Variants in PXDNL observed in about 807,000 individuals in gnomAD.
The protein encoded by PXDNL is probable oxidoreductase PXDNL.
Under a neutral mutation model 150.8 loss-of-function variants are expected in PXDNL, and 145 were observed. The observed-to-expected ratio is 0.96, with a 90% CI of 0.84 to 1.10. PXDNL has a LOEUF of 1.10. PXDNL is among the 50% of genes least tolerant of loss of function. The pLI is 0.00. For synonymous variants in PXDNL, 757 were observed against 725.7 expected (o/e 1.04, Z -0.69); for missense variants, 2,087 against 1,873.9 (o/e 1.11, Z -2.10).
At chr8:51,786,966 G>C (rs777947258) in intron 1 of PXDNL, among the ~76,000 whole-genome samples, 1 of 152,116 alleles carries the variant, frequency 6.6e-6, no homozygotes, top group Non-Finnish European at 1.5e-5. Flanking sequence ...TAAGATCCTA[G>C]AGCCTTTAAG....
At position 51,654,671 on chromosome 8, in the gene PXDNL, T is replaced by C. The variant is rs961456103; in HGVS notation, c.236+18A>G. The C allele has an allele frequency of 6.3e-7, 1 of 1,595,710 alleles. No individual in the cohort carries two copies. Among genetic ancestry groups the C allele is most frequent in the African/African-American group, 1.3e-5 (1 of 74,680 alleles). On this transcript the variant is annotated intron_variant, in intron 2 of 22. Coordinates refer to ENST00000356297, the MANE Select transcript of PXDNL (RefSeq NM_144651.5). The stretch of plus-strand genomic sequence containing the variant: ...CATATAATTTTAGGAACCTTACAGA[T>C]AAGCAATAAGTACTCACAGTGTGTT...
intron 12 of PXDNL, among the ~76,000 whole-genome samples, chr8:51,444,601 T>C (rs922150582): frequency 1.3e-5 from 2 of 152,222 alleles, no homozygotes; most frequent in Non-Finnish European, 2.9e-5. Context: ...ATGAAATTCA[T>C]GTGCAATATG....
chr8:51,573,509 G>C (rs1812988396), intron 3 of PXDNL, among the ~76,000 whole-genome samples: 1 of 151,942 alleles, frequency 6.6e-6, no homozygotes, highest in African/African-American at 2.4e-5. Context: ...TTCATATGGG[G>C]AGCAATAATA....
rs1815135563 is a variant in PXDNL at position 51,655,691 on chromosome 8, A to G, written c.165-931T>C. 2.0e-5 allele frequency among the ~76,000 whole-genome samples: 3 copies of G among 152,260 alleles called. No individual in the cohort carries two copies. The South Asian group carries it at 6.2e-4, about 32-fold the overall frequency. ...ATACTGTTTCTTCCATGGGGAACAT[A>G]TGACCCAAGCCAGGCCAGCTGGAGT... On this transcript the variant is annotated intron_variant, in intron 1 of 22. Transcript: ENST00000356297.
At chr8:51,392,805 C>G (rs949158660) in intron 17 of PXDNL, among the ~76,000 whole-genome samples, 16 of 152,178 alleles carry the variant, frequency 1.1e-4, no homozygotes, top group Admixed American at 8.5e-4. Flanking sequence ...AGAGGGCATA[C>G]CTGTCTTGAA....
chr8:51,474,215 C>G (rs1810421000), intron 7 of PXDNL, among the ~76,000 whole-genome samples: 1 of 152,040 alleles, frequency 6.6e-6, no homozygotes, highest in African/African-American at 2.4e-5. Context: ...GTGAGTGAAT[C>G]TCCAAGACAC....
intron 4 of PXDNL, among the ~76,000 whole-genome samples, chr8:51,544,123 C>G (rs116662118): frequency 6.6e-6 from 1 of 152,120 alleles, no homozygotes; most frequent in African/African-American, 2.4e-5. Context: ...GAAAATAATA[C>G]CTAATCAAAA....
chr8:51,788,786 A>C (rs2037483139), intron 1 of PXDNL, among the ~76,000 whole-genome samples: 1 of 152,136 alleles, frequency 6.6e-6, no homozygotes, highest in Non-Finnish European at 1.5e-5. Flanking sequence ...TTCTGGAAAA[A>C]ACAACCTCAT....
rs1475100274 is a variant in PXDNL at position 51,393,532 on chromosome 8, G to C, written c.3557+14535C>G. On this transcript the variant is annotated intron_variant, in intron 17 of 22. Transcript: ENST00000356297. ...TCTATGCTAAAGCTGAAGCAAAACA[G>C]AAAATAAAAACAAACATTGGCAGTT... Among the ~76,000 whole-genome samples, 4 of 152,244 alleles carry C rather than the reference G, an allele frequency of 2.6e-5. No homozygotes were observed. The South Asian group carries it at 8.3e-4, about 31-fold the overall frequency.
At chr8:51,634,937 ACTT>A (rs1814575699) in intron 2 of PXDNL, among the ~76,000 whole-genome samples, 2 of 152,126 alleles carry the variant, frequency 1.3e-5, no homozygotes, top group South Asian at 4.2e-4. Flanking sequence ...AGATAATTTG[ACTT>A]CTTCTTTTCC....
At chr8:51,382,669 C>G (rs1279214294) in intron 17 of PXDNL, among the ~76,000 whole-genome samples, 1 of 152,004 alleles carries the variant, frequency 6.6e-6, no homozygotes, top group Non-Finnish European at 1.5e-5. Context: ...ACTTATCATA[C>G]ACCCCTGCAT....
chr8:51,687,111 A>G (rs1470942351), intron 1 of PXDNL, among the ~76,000 whole-genome samples: 1 of 152,192 alleles, frequency 6.6e-6, no homozygotes, highest in Non-Finnish European at 1.5e-5. Flanking sequence ...AAAAGTTTAA[A>G]TAATAATATT....
chr8:51,532,122 A>G (rs1487557280), intron 4 of PXDNL, among the ~76,000 whole-genome samples: 2 of 152,256 alleles, frequency 1.3e-5, no homozygotes, highest in African/African-American at 4.8e-5. Flanking sequence ...AATGCAAGGC[A>G]TGCTTCTCTT....
At position 51,773,170 on chromosome 8, in the gene PXDNL, A is replaced by T. The variant is rs145359202; in HGVS notation, c.164+36011T>A. Among the ~76,000 whole-genome samples the T allele has an allele frequency of 4.2e-3, 635 of 152,368 alleles. 5 individuals carry two copies. Among genetic ancestry groups the T allele is most frequent in the African/African-American group, 0.014 (599 of 41,594 alleles). ...TAGCTAACATTTGACTATTTGCTCT[A>T]TGTCAAACGCCATGCTTAGCCTTTA... is the stretch of plus-strand genomic sequence containing the variant. On this transcript the variant is annotated intron_variant, in intron 1 of 22. Coordinates refer to ENST00000356297, the MANE Select transcript of PXDNL (RefSeq NM_144651.5).
At chr8:51,708,010 A>G (rs1755878194) in intron 1 of PXDNL, among the ~76,000 whole-genome samples, 1 of 152,186 alleles carries the variant, frequency 6.6e-6, no homozygotes, top group African/African-American at 2.4e-5. Flanking sequence ...CAATAAATAA[A>G]TTGCATCATA....
Position 51,578,010 on chromosome 8 carries a change from G to A in PXDNL, c.308+14617C>T, listed in dbSNP as rs1172675758. Among the ~76,000 whole-genome samples, 234 of 90,450 alleles carry A rather than the reference G, an allele frequency of 2.6e-3. 3 individuals are homozygous for A. The highest frequency in any genetic ancestry group is 9.0e-3 in the African/African-American group (140 of 15,612). 59.3% of individuals were successfully genotyped at this position (90,450 alleles called of 152,430 possible). ...AAGAAAGAAAGAAAGAGGAAGGAAG[G>A]AAGGAAGGAAGGAAGGAAGGAAGGA... On this transcript the variant is annotated intron_variant, in intron 3 of 22. Transcript: ENST00000356297.
intron 3 of PXDNL, among the ~76,000 whole-genome samples, chr8:51,580,355 G>A (rs1585595751): frequency 1.3e-5 from 2 of 152,086 alleles, no homozygotes; most frequent in East Asian, 3.9e-4. Context: ...ACAGTGGCAT[G>A]TGAATTTATA....
intron 14 of PXDNL, among the ~76,000 whole-genome samples, chr8:51,420,110 C>A (rs915811417): frequency 6.6e-6 from 1 of 152,106 alleles, no homozygotes; most frequent in African/African-American, 2.4e-5. Context: ...TTGTGCATTA[C>A]TTTCTATGGC....
intron 5 of PXDNL, among the ~76,000 whole-genome samples, chr8:51,488,733 A>G (rs1337779057): frequency 6.6e-6 from 1 of 152,236 alleles, no homozygotes; most frequent in Admixed American, 6.5e-5. Context: ...CACACTACCA[A>G]TTGAAATGCT....
Sources: gnomAD v4.1 joint callset for allele counts (sites outside exome capture counted in the v4.1 genomes callset) on GRCh38, gnomAD v4.1.1 for gene constraint, MANE v1.5 for transcripts, NCBI Gene and HGNC (gene_info 2026-07-23, HGNC 2026-07-21) for gene names.